Variants in CDKN1A observed in about 807,000 individuals in gnomAD.
CDKN1A encodes the protein cyclin dependent kinase inhibitor 1A.
Under a neutral mutation model 14.8 loss-of-function variants are expected in CDKN1A, and 14 were observed. The ratio of observed to expected loss-of-function variants is 0.94; its 90% CI spans 0.62 to 1.48. CDKN1A has a LOEUF of 1.48. Ranked by LOEUF, CDKN1A falls within the 40% of genes most tolerant of loss-of-function variation. The pLI is 0.00. For synonymous variants in CDKN1A, 92 were observed against 93.5 expected (o/e 0.98, Z 0.09); for missense variants, 203 against 231.7 (o/e 0.88, Z 0.80).
At chr6:36,681,280 TTTTCTTTCTTTCTTTC>T (rs1203395813) in intron 1 of CDKN1A, among the ~76,000 whole-genome samples, 2 of 112,894 alleles carry the variant, frequency 1.8e-5, no homozygotes, top group Non-Finnish European at 3.8e-5. Context: ...TTCTTTCTTT[TTTTCTTTCTTTCTTTC>T]TTTCTTTCTT....
At chr6:36,682,040 T>C (rs1278188352) in intron 1 of CDKN1A, among the ~76,000 whole-genome samples, 1 of 152,196 alleles carries the variant, frequency 6.6e-6, no homozygotes, top group Non-Finnish European at 1.5e-5. Context: ...CCACTGCCCC[T>C]GGCCTCCCCA....
At position 36,681,739 on chromosome 6, in the gene CDKN1A, C is replaced by T. The variant is rs1381372646; in HGVS notation, c.-5-2358C>T. Among the ~76,000 whole-genome samples the T allele has an allele frequency of 2.0e-5, 3 of 151,674 alleles. No individual in the cohort carries two copies. In the South Asian group the frequency reaches 6.3e-4, roughly 32 times the overall value. On this transcript the variant is annotated intron_variant, in intron 1 of 2. Coordinates refer to ENST00000244741, the MANE Select transcript of CDKN1A (RefSeq NM_000389.5). ...TCCCGAGTAGCTGGGACTACAGGTG[C>T]TGCCATCATGCCCGGCTAATTTTTT... is the stretch of plus-strand genomic sequence containing the variant.
At chr6:36,679,484 G>A (rs1761824430) in intron 1 of CDKN1A, among the ~76,000 whole-genome samples, 1 of 152,218 alleles carries the variant, frequency 6.6e-6, no homozygotes, top group African/African-American at 2.4e-5. Context: ...TATGAGGTCA[G>A]AACCCCGCCC....
intron 2 of CDKN1A, 107 bp from the exon 3 acceptor site, chr6:36,685,644 T>C: frequency 1.8e-6 from 2 of 1,134,496 alleles, no homozygotes; most frequent in Non-Finnish European, 2.7e-6. Flanking sequence ...GTCGGCCCCA[T>C]TGGCCCCAGG....
rs1554185330 is a variant in CDKN1A, at chr6:36,681,269, T to TTTCTCTCTTTCTTTCC, written c.-6+2475_-6+2476insCTCTTTCTTTCCTTCT. ...TGAAAAAACTCCCTAGGTGCTTTTC[T>TTTCTCTCTTTCTTTCC]TTCTTTCTTTTTTTCTTTCTTTCTT... On this transcript the variant is annotated intron_variant, in intron 1 of 2. Coordinates refer to ENST00000244741, the MANE Select transcript of CDKN1A (RefSeq NM_000389.5). Among the ~76,000 whole-genome samples the TTTCTCTCTTTCTTTCC allele has an allele frequency of 5.3e-3, 478 of 90,618 alleles. 19 individuals carry two copies. The highest frequency in any genetic ancestry group is 9.9e-3 in the South Asian group (24 of 2,430). The allele number at this position is 90,618 out of a possible 152,430, so 59.4% of individuals were successfully genotyped here.
In CDKN1A at chr6:36,684,153, T is replaced by TGCC. The variant is rs1326375930; in HGVS notation, c.59_61dup (p.Arg20dup). On this transcript the variant is annotated inframe_insertion, in exon 2 of 3. Coordinates refer to ENST00000244741, the MANE Select transcript of CDKN1A (RefSeq NM_000389.5). The surrounding 1 kb of genome is among the most constrained non-coding windows in gnomAD (Gnocchi z 6.0). Reference sequence around the variant, plus strand: ...TCAGAACCCATGCGGCAGCAAGGCCTGCCGCCGCCTCTTCGGCCCAGTGGA... The same window carrying TGCC: ...TCAGAACCCATGCGGCAGCAAGGCCTGCCGCCGCCGCCTCTTCGGCCCAGTGGA... 13 of 1,612,538 alleles carry TGCC rather than the reference T, an allele frequency of 8.1e-6. No individual in the cohort carries two copies. Among genetic ancestry groups the TGCC allele is most frequent in the Non-Finnish European group, 1.1e-5 (13 of 1,179,976 alleles).
chr6:36,685,670 C>A, intron 2 of CDKN1A, 81 bp from the exon 3 acceptor site: 1 of 1,430,080 alleles, frequency 7.0e-7, no homozygotes, highest in Non-Finnish European at 9.9e-7. Flanking sequence ...GTGTCCTGGC[C>A]CCCCACTGTC....
At chr6:36,678,672 C>A (rs1207884705), upstream of CDKN1A, 2 of 985,100 alleles carry the variant, frequency 2.0e-6, no homozygotes, top group East Asian at 1.1e-4. The surrounding 1 kb of genome is among the most constrained non-coding windows in gnomAD (Gnocchi z 5.7). Context: ...CGGGCCCGGG[C>A]GGGGCGGTTG....
intron 1 of CDKN1A, chr6:36,682,770 G>A (rs3176344): frequency 0.029 from 4,421 of 152,348 alleles, 80 homozygotes; most frequent in Admixed American, 0.044. Context: ...CTCACTCTCC[G>A]TTTTCCCTCT....
At chr6:36,681,324 CTT>C (rs748017925) in intron 1 of CDKN1A, among the ~76,000 whole-genome samples, 2 of 116,434 alleles carry the variant, frequency 1.7e-5, no homozygotes, top group African/African-American at 6.2e-5. Context: ...TTCTTTCTTT[CTT>C]TCTTTCTTTT....
At position 36,684,128 on chromosome 6, in the gene CDKN1A, T is replaced by C. The variant is rs1250093012; in HGVS notation, c.27T>C (p.Arg9=). 1.2e-6 allele frequency: 2 copies of C among 1,613,162 alleles called. No homozygotes were observed. Among genetic ancestry groups the C allele is most frequent in the Non-Finnish European group, 1.7e-6 (2 of 1,179,960 alleles). MSEPAGDV[R]QNPCGSKACR... is the part of the protein sequence containing the mutation. ...TGTCAGAACCGGCTGGGGATGTCCG[T>C]CAGAACCCATGCGGCAGCAAGGCCT... Residue 9 remains arginine (R), a synonymous_variant, in exon 2 of 3, where the codon CGT becomes CGC. Transcript: ENST00000244741. This position sits in a 1 kb window ranked among gnomAD's most constrained non-coding sequence, Gnocchi z 6.0.
chr6:36,679,768 G>A (rs1158244304), intron 1 of CDKN1A, among the ~76,000 whole-genome samples: 3 of 152,028 alleles, frequency 2.0e-5, no homozygotes, highest in Non-Finnish European at 4.4e-5. Context: ...CGGGAGAATC[G>A]CGGCCCAGCC....
chr6:36,685,738 T>A lies in CDKN1A; in HGVS notation c.446-13T>A, dbSNP rs1411267420. The A allele has an allele frequency of 1.9e-6, 3 of 1,613,982 alleles. No homozygotes were observed. In the African/African-American group the frequency reaches 4.0e-5, roughly 22 times the overall value. On this transcript the variant is annotated splice_polypyrimidine_tract_variant and intron_variant, in intron 2 of 2. Transcript: ENST00000244741. ...TCTTCTTGGCCTGGCTGACTTCTGC[T>A]GTCTCTCCTCAGATTTCTACCACTC...
intron 1 of CDKN1A, among the ~76,000 whole-genome samples, chr6:36,679,119 G>A (rs1410035150): frequency 6.6e-6 from 1 of 152,246 alleles, no homozygotes; most frequent in Non-Finnish European, 1.5e-5. Context: ...GGAGGGCGTG[G>A]ACGGGACCGT....
intron 2 of CDKN1A, among the ~76,000 whole-genome samples, chr6:36,685,383 G>A (rs1021565156): frequency 5.3e-5 from 8 of 152,308 alleles, no homozygotes; most frequent in Admixed American, 1.3e-4. Flanking sequence ...AGCCACATAC[G>A]GCTGTTGTGC....
Position 36,684,301 on chromosome 6 carries a change from G to A in CDKN1A, c.200G>A (p.Arg67His), listed in dbSNP as rs45548832. The A allele has an allele frequency of 1.1e-4, 179 of 1,613,256 alleles. No homozygotes were observed. Among genetic ancestry groups the A allele is most frequent in the African/African-American group, 3.1e-4 (23 of 75,014 alleles). Reference protein sequence around the residue: ...TPLEGDFAWERVRGLGLPKLY... With the variant: ...TPLEGDFAWEHVRGLGLPKLY... ...CTGGAGGGTGACTTCGCCTGGGAGC[G>A]TGTGCGGGGCCTTGGCCTGCCCAAG... Residue 67 changes from arginine to histidine, a missense_variant, in exon 2 of 3, where the codon CGT (arginine) becomes CAT (histidine). Coordinates refer to ENST00000244741, the MANE Select transcript of CDKN1A (RefSeq NM_000389.5). The surrounding 1 kb of genome is among the most constrained non-coding windows in gnomAD (Gnocchi z 6.0).
intron 1 of CDKN1A, among the ~76,000 whole-genome samples, chr6:36,680,307 C>CGTGTGTGT (rs59454180): frequency 0.14 from 18,766 of 133,096 alleles, 1,654 homozygotes; most frequent in Non-Finnish European, 0.18. Context: ...TCTGCGCGGG[C>CGTGTGTGT]GTGTGTGTGT....
At chr6:36,680,648 G>A (rs781271449) in intron 1 of CDKN1A, 2 of 152,168 alleles carry the variant, frequency 1.3e-5, no homozygotes, top group Non-Finnish European at 2.9e-5. Flanking sequence ...TAGCACACAG[G>A]CTTTCCCGCG....
chr6:36,678,984 G>A lies in CDKN1A; in HGVS notation c.-6+186G>A, dbSNP rs889812196. On this transcript the variant is annotated intron_variant, in intron 1 of 2. Transcript: ENST00000244741. This position sits in a 1 kb window ranked among gnomAD's most constrained non-coding sequence, Gnocchi z 5.7. ...CGGTGCGCGCTCGGCTTGCGCACAC[G>A]GTGTCTCTAAGTGCGCGGGTGACGA... is the stretch of plus-strand genomic sequence containing the variant. 1.0e-6 allele frequency: 1 copy of A among 978,170 alleles called. No individual in the cohort carries two copies. The highest frequency in any genetic ancestry group is 5.3e-4 in the Middle Eastern group (1 of 1,876). The allele number at this position is 978,170 out of a possible 1,614,324, so 60.6% of individuals were successfully genotyped here.
Sources: allele counts gnomAD v4.1 joint callset (sites outside exome capture counted in the v4.1 genomes callset), GRCh38; gene constraint gnomAD v4.1.1; non-coding constraint Gnocchi (gnomAD v3.1); transcripts MANE v1.5; gene names NCBI Gene and HGNC (gene_info 2026-07-23, HGNC 2026-07-21).